Variants in TSHZ2 observed in about 807,000 individuals in gnomAD.
TSHZ2 encodes the protein teashirt zinc finger homeobox 2.
A neutral mutation model predicts 74.4 loss-of-function variants in TSHZ2; 21 were observed. That is an observed-to-expected ratio of 0.28 (90% CI 0.20 to 0.41). The LOEUF is 0.41. Among genes scored for constraint, TSHZ2 ranks in the 10% least tolerant of loss-of-function variants. TSHZ2 has a pLI of 1.00. For missense variants in TSHZ2, 1,244 were observed against 1,293.5 expected (o/e 0.96, Z 0.59); for synonymous variants, 540 against 515.3 (o/e 1.05, Z -0.65).
intron 1 of TSHZ2, among the ~76,000 whole-genome samples, chr20:53,250,212 C>T (rs1157575912): frequency 6.6e-6 from 1 of 152,168 alleles, no homozygotes; most frequent in East Asian, 1.9e-4. Context: ...GAGAACAGTT[C>T]TTTTGTCCTG....
chr20:53,236,779 C>A (rs944563137), intron 1 of TSHZ2, among the ~76,000 whole-genome samples: 10 of 152,294 alleles, frequency 6.6e-5, no homozygotes, highest in East Asian at 1.9e-4. Flanking sequence ...AAAGGAGAAG[C>A]AAACATGTCC....
chr20:53,375,174 A>G (rs1279848383), intron 2 of TSHZ2, among the ~76,000 whole-genome samples: 1 of 152,206 alleles, frequency 6.6e-6, no homozygotes, highest in African/African-American at 2.4e-5. Context: ...TTTTTAAATC[A>G]TTAGGAGAAT....
chr20:53,367,706 G>C (rs1432941113), intron 2 of TSHZ2, among the ~76,000 whole-genome samples: 1 of 151,998 alleles, frequency 6.6e-6, no homozygotes, highest in African/African-American at 2.4e-5. Flanking sequence ...GAGGAGCTGG[G>C]ACTACAGGCG....
intron 2 of TSHZ2, among the ~76,000 whole-genome samples, chr20:53,438,556 A>G (rs1984185244): frequency 6.6e-6 from 1 of 152,198 alleles, no homozygotes; most frequent in Non-Finnish European, 1.5e-5. Flanking sequence ...AGAATAGAAC[A>G]TGCTGATTGG....
chr20:53,284,328 A>C (rs978244362), intron 2 of TSHZ2, among the ~76,000 whole-genome samples: 8 of 152,194 alleles, frequency 5.3e-5, no homozygotes, highest in Admixed American at 2.0e-4. Flanking sequence ...AAATGTACTA[A>C]CAGTGTGGCT....
intron 2 of TSHZ2, among the ~76,000 whole-genome samples, chr20:53,323,282 G>C (rs111327717): frequency 6.6e-6 from 1 of 152,184 alleles, no homozygotes; most frequent in Non-Finnish European, 1.5e-5. Flanking sequence ...AAAACAGACA[G>C]TACTCCGGGT....
At chr20:53,484,636 G>A (rs6097454) in intron 2 of TSHZ2, among the ~76,000 whole-genome samples, 3 of 151,672 alleles carry the variant, frequency 2.0e-5, no homozygotes, top group East Asian at 1.9e-4. Context: ...TCCGCCCGCC[G>A]TTGCCTCCCA....
chr20:53,128,762 C>T (rs1319744507), intron 1 of TSHZ2, among the ~76,000 whole-genome samples: 4 of 152,060 alleles, frequency 2.6e-5, no homozygotes, highest in East Asian at 1.9e-4. Context: ...GCTGGGACTA[C>T]AGGTGCACGC....
intron 1 of TSHZ2, among the ~76,000 whole-genome samples, chr20:52,995,611 CTT>C (rs11469115): frequency 0.02 from 2,660 of 135,996 alleles, 41 homozygotes; most frequent in African/African-American, 0.07. Flanking sequence ...TTTTTCTTTC[CTT>C]TTTTTTTTTT....
intron 1 of TSHZ2, among the ~76,000 whole-genome samples, chr20:53,207,451 G>A (rs777887653): frequency 3.9e-5 from 6 of 152,058 alleles, no homozygotes; most frequent in Non-Finnish European, 8.8e-5. Flanking sequence ...CAGCAATAAG[G>A]CCCCAGAAGC....
intron 1 of TSHZ2, among the ~76,000 whole-genome samples, chr20:52,975,070 G>T (rs1225158741): frequency 6.6e-6 from 1 of 152,076 alleles, no homozygotes. Context: ...TTTGCAATCT[G>T]ACAGCGTGTG....
chr20:53,489,453 T>G lies in TSHZ2; in HGVS notation c.*2318T>G, dbSNP rs1986388494. 2 of 316,304 alleles carry G rather than the reference T, an allele frequency of 6.3e-6. No homozygotes were observed. Among genetic ancestry groups the G allele is most frequent in the Non-Finnish European group, 1.2e-5 (2 of 161,538 alleles). The allele number at this position is 316,304 out of a possible 1,614,324, so 19.6% of individuals were successfully genotyped here. A position where few individuals can be genotyped will look rare whatever the true frequency, so the allele number is the denominator to read the frequency against. ...GTTCTCGTAGCTGTTAAAAATTGTC[T>G]GCTCCAATCCAGGGTTATTAGGCCA... is the stretch of plus-strand genomic sequence containing the variant. On this transcript the variant is annotated 3_prime_UTR_variant, in exon 3 of 3. Transcript: ENST00000371497.
intron 1 of TSHZ2, among the ~76,000 whole-genome samples, chr20:53,152,447 T>C (rs1185185340): frequency 6.6e-6 from 1 of 152,132 alleles, no homozygotes; most frequent in East Asian, 1.9e-4. Context: ...GCTTGACCCT[T>C]ATTCTAACCC....
At chr20:53,230,533 A>G (rs1989798497) in intron 1 of TSHZ2, among the ~76,000 whole-genome samples, 1 of 152,182 alleles carries the variant, frequency 6.6e-6, no homozygotes, top group Admixed American at 6.5e-5. Flanking sequence ...AGCCAAGAGA[A>G]TGGAGTCACG....
intron 1 of TSHZ2, among the ~76,000 whole-genome samples, chr20:53,118,919 A>AG (rs1721931744): frequency 6.6e-6 from 1 of 152,194 alleles, no homozygotes; most frequent in African/African-American, 2.4e-5. Flanking sequence ...CAGAAGATGA[A>AG]GGGGGAGAAC....
chr20:53,071,224 C>A (rs1299515560), intron 1 of TSHZ2, among the ~76,000 whole-genome samples: 1 of 152,196 alleles, frequency 6.6e-6, no homozygotes, highest in Non-Finnish European at 1.5e-5. Context: ...CAGCTTTCTC[C>A]CCTCTAGTTC....
chr20:53,076,422 G>A (rs1398876953), intron 1 of TSHZ2, among the ~76,000 whole-genome samples: 1 of 152,236 alleles, frequency 6.6e-6, no homozygotes, highest in Non-Finnish European at 1.5e-5. Context: ...GCCAGGCACT[G>A]GATGAAAGTA....
chr20:53,421,846 C>T (rs201185), intron 2 of TSHZ2, among the ~76,000 whole-genome samples: 9 of 151,768 alleles, frequency 5.9e-5, no homozygotes, highest in African/African-American at 1.5e-4. Flanking sequence ...CCATGCCCGG[C>T]GAATTTTTGT....
intron 1 of TSHZ2, among the ~76,000 whole-genome samples, chr20:53,057,514 G>T (rs984217047): frequency 8.6e-5 from 13 of 151,914 alleles, no homozygotes; most frequent in African/African-American, 3.1e-4. Flanking sequence ...TTTCTTTTAA[G>T]AAATCATAAT....
Sources: allele counts gnomAD v4.1 joint callset (sites outside exome capture counted in the v4.1 genomes callset), GRCh38; gene constraint gnomAD v4.1.1; transcripts MANE v1.5; gene names NCBI Gene and HGNC (gene_info 2026-07-23, HGNC 2026-07-21).